LRMDA: variants seen among roughly 807,000 people sequenced by gnomAD.
LRMDA encodes leucine-rich melanocyte differentiation-associated protein.
A neutral mutation model predicts 29.8 loss-of-function variants in LRMDA; 18 were observed. The observed-to-expected ratio is 0.60, with a 90% CI of 0.42 to 0.90. The LOEUF (loss-of-function observed/expected upper bound fraction) is 0.90. LRMDA is among the 40% of genes least tolerant of loss of function. The probability of loss-of-function intolerance (pLI) is 0.00; values close to 1 mark genes in which losing one functional copy is unlikely to be tolerated. For missense variants in LRMDA, 273 were observed against 273.9 expected (o/e 1.00, Z 0.02); for synonymous variants, 125 against 109.4 (o/e 1.14, Z -0.89).
chr10:75,875,904 G>A (rs1845189314), intron 2 of LRMDA, among the ~76,000 whole-genome samples: 1 of 152,102 alleles, frequency 6.6e-6, no homozygotes, highest in South Asian at 2.1e-4. Context: ...GGCCTGATTG[G>A]AGAGTAGTAT....
At chr10:76,007,035 C>CAT (rs1564628463) in intron 2 of LRMDA, among the ~76,000 whole-genome samples, 3 of 54,078 alleles carry the variant, frequency 5.5e-5, no homozygotes, top group Non-Finnish European at 7.7e-5. Flanking sequence ...TGTGTGTGCG[C>CAT]GTGTGTGTTT....
intron 5 of LRMDA, among the ~76,000 whole-genome samples, chr10:76,172,554 G>C (rs1290202886): frequency 6.6e-6 from 1 of 152,124 alleles, no homozygotes; most frequent in East Asian, 1.9e-4. Flanking sequence ...TTTATAAGGG[G>C]TATCTGAGTG....
At chr10:75,653,769 G>C (rs1159196888) in intron 2 of LRMDA, among the ~76,000 whole-genome samples, 1 of 152,152 alleles carries the variant, frequency 6.6e-6, no homozygotes, top group Admixed American at 6.5e-5. Context: ...TCTTATACTT[G>C]TGTGTGAAAA....
chr10:76,233,220 A>G (rs1852092895), intron 5 of LRMDA, among the ~76,000 whole-genome samples: 1 of 152,170 alleles, frequency 6.6e-6, no homozygotes, highest in South Asian at 2.1e-4. Flanking sequence ...AGTAACATGA[A>G]TGTTTGGTTT....
intron 2 of LRMDA, among the ~76,000 whole-genome samples, chr10:75,478,764 A>C (rs1844824260): frequency 6.6e-6 from 1 of 152,152 alleles, no homozygotes; most frequent in Non-Finnish European, 1.5e-5. Flanking sequence ...CAAGGTATGG[A>C]GATATTGTCC....
At chr10:75,997,474 T>C (rs998138946) in intron 2 of LRMDA, among the ~76,000 whole-genome samples, 1 of 152,166 alleles carries the variant, frequency 6.6e-6, no homozygotes, top group Non-Finnish European at 1.5e-5. Flanking sequence ...TCTATTTTTT[T>C]TTTTTTTCAT....
intron 5 of LRMDA, among the ~76,000 whole-genome samples, chr10:76,094,654 G>A (rs1564651335): frequency 6.6e-6 from 1 of 152,106 alleles, no homozygotes; most frequent in Non-Finnish European, 1.5e-5. Context: ...CATGATATAA[G>A]TACAGGAATT....
chr10:76,132,650 G>A (rs558117388), intron 5 of LRMDA, among the ~76,000 whole-genome samples: 56 of 152,286 alleles, frequency 3.7e-4, no homozygotes, highest in African/African-American at 5.5e-4. Flanking sequence ...TTGTGGGAGC[G>A]TGTATGTTTA....
chr10:75,965,183 C>T (rs1846836474), intron 2 of LRMDA, among the ~76,000 whole-genome samples: 1 of 152,150 alleles, frequency 6.6e-6, no homozygotes, highest in Admixed American at 6.5e-5. Context: ...ACTCTAAGGG[C>T]TATAGAAAGA....
chr10:76,264,698 C>T (rs553880557), intron 5 of LRMDA, among the ~76,000 whole-genome samples: 1 of 152,186 alleles, frequency 6.6e-6, no homozygotes, highest in South Asian at 2.1e-4. Context: ...GAGTACTAAA[C>T]AGAAAGGTAC....
chr10:76,440,301 A>G (rs1478006368), intron 6 of LRMDA, among the ~76,000 whole-genome samples: 1 of 152,198 alleles, frequency 6.6e-6, no homozygotes, highest in Non-Finnish European at 1.5e-5. Flanking sequence ...TTTGTGGACA[A>G]ATTGACTAAA....
At chr10:76,120,494 G>T (rs1209309631) in intron 5 of LRMDA, among the ~76,000 whole-genome samples, 1 of 152,028 alleles carries the variant, frequency 6.6e-6, no homozygotes, top group Non-Finnish European at 1.5e-5. Context: ...GGCCAAGTAT[G>T]TGTTGATTTT....
At chr10:76,096,041 G>A (rs1849307157) in intron 5 of LRMDA, among the ~76,000 whole-genome samples, 1 of 150,934 alleles carries the variant, frequency 6.6e-6, no homozygotes, top group South Asian at 2.1e-4. Flanking sequence ...TATGTATTTT[G>A]AAAATACTTT....
intron 2 of LRMDA, among the ~76,000 whole-genome samples, chr10:75,727,399 A>G (rs924857587): frequency 6.6e-6 from 1 of 152,216 alleles, no homozygotes; most frequent in Non-Finnish European, 1.5e-5. Context: ...TTAGAAACAA[A>G]ATATCTATTG....
intron 2 of LRMDA, among the ~76,000 whole-genome samples, chr10:76,024,003 A>T (rs1213721563): frequency 1.3e-5 from 2 of 152,254 alleles, no homozygotes; most frequent in Admixed American, 1.3e-4. Context: ...TTGAAAGATT[A>T]GAAAGCTACA....
intron 6 of LRMDA, chr10:76,556,421 G>C (rs1384720224): frequency 6.6e-6 from 1 of 151,936 alleles, no homozygotes; most frequent in African/African-American, 2.4e-5. Context: ...GCGCGATCTC[G>C]GCTCACTGCA....
intron 2 of LRMDA, among the ~76,000 whole-genome samples, chr10:75,959,034 A>G (rs184923900): frequency 3.1e-4 from 47 of 152,328 alleles, no homozygotes; most frequent in Non-Finnish European, 5.6e-4. Flanking sequence ...ACACATGGTA[A>G]TTATGGAAGC....
intron 2 of LRMDA, among the ~76,000 whole-genome samples, chr10:75,997,781 G>T (rs978738609): frequency 6.6e-6 from 1 of 152,144 alleles, no homozygotes; most frequent in African/African-American, 2.4e-5. Flanking sequence ...GCCATTGTGG[G>T]CTCTCTTCAC....
At chr10:75,519,467 T>A (rs1845330464) in intron 2 of LRMDA, among the ~76,000 whole-genome samples, 1 of 152,242 alleles carries the variant, frequency 6.6e-6, no homozygotes, top group East Asian at 1.9e-4. Context: ...TCTTTGTTGA[T>A]TTAAAGTCTG....
Sources: gnomAD v4.1 joint callset for allele counts (sites outside exome capture counted in the v4.1 genomes callset) on GRCh38, gnomAD v4.1.1 for gene constraint, MANE v1.5 for transcripts, NCBI Gene and HGNC (gene_info 2026-07-23, HGNC 2026-07-21) for gene names.